Variants in PCDHGA10 observed in about 807,000 individuals in gnomAD.
PCDHGA10 encodes the protein protocadherin gamma subfamily A, 10.
PCDHGA10 carries 42 observed loss-of-function variants against 59.5 expected under a neutral mutation model. The ratio of observed to expected loss-of-function variants is 0.71; its 90% confidence interval spans 0.55 to 0.91. PCDHGA10 has a LOEUF of 0.91. PCDHGA10 is among the 40% of genes least tolerant of loss of function. The pLI is 0.00. For missense variants in PCDHGA10, 1,111 were observed against 1,198.2 expected (o/e 0.93, Z 1.07); for synonymous variants, 511 against 517.2 (o/e 0.99, Z 0.16).
intron 1 of PCDHGA10, chr5:141,415,910 A>G: frequency 1.3e-6 from 1 of 757,484 alleles, no homozygotes; most frequent in Non-Finnish European, 1.8e-6. Context: ...ACTTCCATAC[A>G]GAAGTGCCTG....
rs999687684 is a variant in PCDHGA10, at chr5:141,431,598, C to T, written c.2436+15987C>T. 1 of 1,614,192 alleles carries T rather than the reference C, an allele frequency of 6.2e-7. No homozygotes were observed. The highest frequency in any genetic ancestry group is 8.5e-7 in the Non-Finnish European group (1 of 1,180,046). ...GGAGTCAATGCGGAAGTGAGGTATT[C>T]CTTCCGGTATGTGGACGACAAGGCG... is the stretch of plus-strand genomic sequence containing the variant. On this transcript the variant is annotated intron_variant, in intron 1 of 3. Coordinates refer to ENST00000398610, the MANE Select transcript of PCDHGA10 (RefSeq NM_018913.3). This position sits in a 1 kb window ranked among gnomAD's most constrained non-coding sequence, Gnocchi z 4.8.
chr5:141,458,059 T>G (rs533147047), intron 1 of PCDHGA10, among the ~76,000 whole-genome samples: 39 of 152,358 alleles, frequency 2.6e-4, no homozygotes, highest in African/African-American at 8.9e-4. Context: ...CTTGCTGCAC[T>G]GATGCGAACA....
chr5:141,430,913 C>A (rs1485488693), intron 1 of PCDHGA10: 1 of 1,607,720 alleles, frequency 6.2e-7, no homozygotes, highest in East Asian at 2.2e-5. Context: ...CTCCAGGGAC[C>A]TGGGGCTGGA....
chr5:141,499,322 T>C (rs1186220818), intron 2 of PCDHGA10, among the ~76,000 whole-genome samples: 1 of 152,218 alleles, frequency 6.6e-6, no homozygotes, highest in Non-Finnish European at 1.5e-5. Context: ...ACAGTATCCC[T>C]GCTCTCTCTC....
intron 1 of PCDHGA10, chr5:141,471,300 C>T (rs2099254628): frequency 6.6e-6 from 1 of 152,190 alleles, no homozygotes; most frequent in African/African-American, 2.4e-5. Context: ...ATCCACCCAA[C>T]TCGGCCTCCC....
chr5:141,431,002 C>A lies in PCDHGA10; in HGVS notation c.2436+15391C>A, dbSNP rs1055964066. The A allele has an allele frequency of 6.2e-7, 1 of 1,613,836 alleles. No individual in the cohort carries two copies. Among genetic ancestry groups the A allele is most frequent in the Admixed American group, 1.7e-5 (1 of 59,990 alleles). The stretch of plus-strand genomic sequence containing the variant: ...AGCTTTTCGCCCTGAATCCGCGCAG[C>A]GGCAGCTTGGTCACGGCGGGCAGGA... On this transcript the variant is annotated intron_variant, in intron 1 of 3. Transcript: ENST00000398610. The surrounding 1 kb of genome is among the most constrained non-coding windows in gnomAD (Gnocchi z 4.8).
chr5:141,427,652 G>T, intron 1 of PCDHGA10: 1 of 721,166 alleles, frequency 1.4e-6, no homozygotes, highest in Non-Finnish European at 2.5e-6. Flanking sequence ...TCTCCTACGT[G>T]GTCCACGTGG....
intron 3 of PCDHGA10, among the ~76,000 whole-genome samples, chr5:141,508,837 A>C (rs1596180024): frequency 6.7e-6 from 1 of 149,276 alleles, no homozygotes; most frequent in Non-Finnish European, 1.5e-5. Context: ...CCCCTCCCCT[A>C]CCCCTTCCAT....
Position 141,485,754 on chromosome 5 carries a change from T to A in PCDHGA10, c.2437-9053T>A, listed in dbSNP as rs770807249. ...AGCGACGGCAGCCTGGTCCCAGAGC[T>A]GCTCCTGGAGAAGCCTTTGGATCGA... On this transcript the variant is annotated intron_variant, in intron 1 of 3. Transcript: ENST00000398610. This position sits in a 1 kb window ranked among gnomAD's most constrained non-coding sequence, Gnocchi z 5.7. 1 of 1,614,236 alleles carries A rather than the reference T, an allele frequency of 6.2e-7. No individual in the cohort carries two copies. The highest frequency in any genetic ancestry group is 8.5e-7 in the Non-Finnish European group (1 of 1,180,044).
At chr5:141,441,763 G>A in intron 1 of PCDHGA10, 1 of 384,020 alleles carries the variant, frequency 2.6e-6, no homozygotes, top group Non-Finnish European at 5.2e-6. Flanking sequence ...GTGAGCCTGC[G>A]CGTGTTGGTG....
intron 1 of PCDHGA10, 148 bp from the exon 2 acceptor site, chr5:141,494,659 T>C (rs749872848): frequency 2.3e-4 from 343 of 1,488,556 alleles, no homozygotes; most frequent in Non-Finnish European, 2.9e-4. Flanking sequence ...ATTTTGTCTT[T>C]GGAGATGAGT....
Position 141,421,313 on chromosome 5 carries a change from C to T in PCDHGA10, c.2436+5702C>T, listed in dbSNP as rs201429116. 461 of 1,613,716 alleles carry T rather than the reference C, an allele frequency of 2.9e-4. No homozygotes were observed. Among genetic ancestry groups the T allele is most frequent in the Non-Finnish European group, 3.7e-4 (436 of 1,179,850 alleles). On this transcript the variant is annotated intron_variant, in intron 1 of 3. Coordinates refer to ENST00000398610, the MANE Select transcript of PCDHGA10 (RefSeq NM_018913.3). ...CTGGGGACGCTGCGGGGGTTCCGGGCCAGGCAGATCCGATATTCGGTGCCA... is the reference window on the plus strand; with the variant it reads ...CTGGGGACGCTGCGGGGGTTCCGGGTCAGGCAGATCCGATATTCGGTGCCA...
At position 141,433,142 on chromosome 5, in the gene PCDHGA10, G is replaced by T. The variant is rs2097571106; in HGVS notation, c.2436+17531G>T. On this transcript the variant is annotated intron_variant, in intron 1 of 3. Coordinates refer to ENST00000398610, the MANE Select transcript of PCDHGA10 (RefSeq NM_018913.3). ...AAAAAGCGAGCCCCTTTTGCTGTCA[G>T]GTGATTCGGTATTTTCTAAAGACAG... The T allele has an allele frequency of 4.7e-5, 76 of 1,613,992 alleles. No homozygotes were observed. Among genetic ancestry groups the T allele is most frequent in the Non-Finnish European group, 6.4e-5 (76 of 1,180,016 alleles).
intron 1 of PCDHGA10, chr5:141,421,719 C>T (rs2096595246): frequency 6.2e-7 from 1 of 1,613,942 alleles, no homozygotes; most frequent in Non-Finnish European, 8.5e-7. Flanking sequence ...CAGATGTGGG[C>T]GTGAACTCCC....
At position 141,489,733 on chromosome 5, in the gene PCDHGA10, A is replaced by C; in HGVS notation, c.2437-5074A>C. ...TGCCCAGGATCCGGATGTGGGCACC[A>C]ATACTGTGAGCTTTTACACTCTAAG... On this transcript the variant is annotated intron_variant, in intron 1 of 3. Coordinates refer to ENST00000398610, the MANE Select transcript of PCDHGA10 (RefSeq NM_018913.3). This position sits in a 1 kb window ranked among gnomAD's most constrained non-coding sequence, Gnocchi z 4.5. 1 of 1,614,168 alleles carries C rather than the reference A, an allele frequency of 6.2e-7. No individual in the cohort carries two copies. The highest frequency in any genetic ancestry group is 1.1e-5 in the South Asian group (1 of 91,078).
Position 141,431,756 on chromosome 5 carries a change from G to T in PCDHGA10, c.2436+16145G>T. The T allele has an allele frequency of 6.2e-7, 1 of 1,614,236 alleles. No individual in the cohort carries two copies. Among genetic ancestry groups the T allele is most frequent in the South Asian group, 1.1e-5 (1 of 91,088 alleles). On this transcript the variant is annotated intron_variant, in intron 1 of 3. Transcript: ENST00000398610. This position sits in a 1 kb window ranked among gnomAD's most constrained non-coding sequence, Gnocchi z 4.8. Reference sequence around the variant, plus strand: ...TGCAGGATATTCTGCGCGAGCCAAAGTCCTGATCACTGTTCTGGACGTGAA... The same window carrying T: ...TGCAGGATATTCTGCGCGAGCCAAATTCCTGATCACTGTTCTGGACGTGAA...
intron 1 of PCDHGA10, among the ~76,000 whole-genome samples, chr5:141,464,417 A>C (rs2099083685): frequency 6.6e-6 from 1 of 151,564 alleles, no homozygotes; most frequent in African/African-American, 2.4e-5. Flanking sequence ...ATATATATCT[A>C]TATATATAGA....
At chr5:141,475,657 C>T (rs2099366732) in intron 1 of PCDHGA10, among the ~76,000 whole-genome samples, 1 of 152,204 alleles carries the variant, frequency 6.6e-6, no homozygotes, top group Non-Finnish European at 1.5e-5. Flanking sequence ...GAAAGTGATT[C>T]AAATGTTTAA....
chr5:141,464,973 TTC>T (rs2154568681), intron 1 of PCDHGA10, among the ~76,000 whole-genome samples: 1 of 152,092 alleles, frequency 6.6e-6, no homozygotes, highest in East Asian at 1.9e-4. Flanking sequence ...AACTACTGGC[TTC>T]AAGTGATCCT....
Sources: gnomAD v4.1 joint callset for allele counts (sites outside exome capture counted in the v4.1 genomes callset) on GRCh38, gnomAD v4.1.1 for gene constraint, Gnocchi (gnomAD v3.1) non-coding constraint, MANE v1.5 for transcripts, NCBI Gene and HGNC (gene_info 2026-07-23, HGNC 2026-07-21) for gene names.